CSMD1: variants seen among roughly 807,000 people sequenced by gnomAD.
The protein encoded by CSMD1 is CUB and sushi domain-containing protein 1.
In CSMD1, 213 loss-of-function variants were observed where a neutral mutation model predicts 417.5. The ratio of observed to expected loss-of-function variants is 0.51; its 90% CI spans 0.46 to 0.57. CSMD1 has a LOEUF of 0.57. CSMD1 is among the 20% of genes least tolerant of loss of function. The pLI is 0.00. For missense variants in CSMD1, 6,923 were observed against 4,529.7 expected, an observed-to-expected ratio of 1.53 and a Z score of -15.17; for synonymous variants, 2,862 against 1,736.8, an observed-to-expected ratio of 1.65 and a Z score of -16.11.
intron 2 of CSMD1, among the ~76,000 whole-genome samples, chr8:4,426,519 CTGT>C (rs1170338210): frequency 6.8e-6 from 1 of 146,484 alleles, no homozygotes; most frequent in Non-Finnish European, 1.5e-5. Context: ...TTTATAAAGA[CTGT>C]AGTATTTTAT....
intron 5 of CSMD1, among the ~76,000 whole-genome samples, chr8:3,881,620 A>AC (rs1806210624): frequency 1.4e-5 from 2 of 138,860 alleles, no homozygotes; most frequent in African/African-American, 3.0e-5. Flanking sequence ...AAAAAAAAAA[A>AC]AACAAAAACA....
At chr8:3,940,397 T>C (rs1434454502) in intron 5 of CSMD1, among the ~76,000 whole-genome samples, 2 of 151,886 alleles carry the variant, frequency 1.3e-5, no homozygotes, top group African/African-American at 2.4e-5. Context: ...ATATTGAAAA[T>C]AATGACAAAA....
chr8:4,020,838 T>C (rs1388735172), intron 4 of CSMD1, among the ~76,000 whole-genome samples: 1 of 152,250 alleles, frequency 6.6e-6, no homozygotes, highest in African/African-American at 2.4e-5. Context: ...AGCTCACTCT[T>C]ATCTTTTGCC....
intron 23 of CSMD1, among the ~76,000 whole-genome samples, chr8:3,308,736 T>TTC (rs1805091965): frequency 1.6e-5 from 1 of 61,798 alleles, no homozygotes; most frequent in Admixed American, 1.8e-4. Flanking sequence ...TTACAAGTTT[T>TTC]TTTTTTTTTT....
At chr8:3,394,844 T>C (rs181154483) in intron 17 of CSMD1, among the ~76,000 whole-genome samples, 2 of 152,318 alleles carry the variant, frequency 1.3e-5, no homozygotes, top group East Asian at 1.9e-4. Context: ...TGTATATCTA[T>C]ATATGTGAAG....
At chr8:3,748,846 A>G (rs1358336995) in intron 6 of CSMD1, among the ~76,000 whole-genome samples, 1 of 152,202 alleles carries the variant, frequency 6.6e-6, no homozygotes, top group Non-Finnish European at 1.5e-5. Flanking sequence ...AAACAAACTA[A>G]TTATTTGTGT....
At chr8:3,857,811 T>A (rs1325707153) in intron 5 of CSMD1, among the ~76,000 whole-genome samples, 3 of 152,070 alleles carry the variant, frequency 2.0e-5, no homozygotes, top group Non-Finnish European at 4.4e-5. Context: ...CAGGCCAGAG[T>A]AGAAAAGAGC....
chr8:4,296,064 T>G (rs1797664936), intron 3 of CSMD1, among the ~76,000 whole-genome samples: 1 of 152,080 alleles, frequency 6.6e-6, no homozygotes, highest in African/African-American at 2.4e-5. Context: ...GAAGGAGCCC[T>G]TAAAATGATG....
intron 5 of CSMD1, among the ~76,000 whole-genome samples, chr8:3,863,713 G>C (rs143988567): frequency 1.3e-4 from 19 of 151,998 alleles, no homozygotes; most frequent in African/African-American, 4.1e-4. Flanking sequence ...AACATACATG[G>C]TCTCTAATTC....
At chr8:3,075,770 G>A (rs965135284) in intron 49 of CSMD1, among the ~76,000 whole-genome samples, 13 of 151,902 alleles carry the variant, frequency 8.6e-5, no homozygotes, top group African/African-American at 1.2e-4. Flanking sequence ...GGCTGGGCGC[G>A]GTGGCTCATG....
At chr8:3,212,119 A>T (rs1286395306) in intron 30 of CSMD1, among the ~76,000 whole-genome samples, 1 of 152,046 alleles carries the variant, frequency 6.6e-6, no homozygotes, top group Non-Finnish European at 1.5e-5. Flanking sequence ...CTTTACCTCA[A>T]AGCCACTCTG....
chr8:4,307,275 A>G (rs1319989064), intron 3 of CSMD1, among the ~76,000 whole-genome samples: 1 of 152,092 alleles, frequency 6.6e-6, no homozygotes, highest in African/African-American at 2.4e-5. Flanking sequence ...GGCTGTTGAT[A>G]TCTCTCACAT....
At chr8:3,825,683 G>C (rs1802018207) in intron 5 of CSMD1, among the ~76,000 whole-genome samples, 1 of 152,220 alleles carries the variant, frequency 6.6e-6, no homozygotes, top group East Asian at 1.9e-4. Context: ...CTAGGCTCAA[G>C]AGCTCCCTCA....
At position 4,264,579 on chromosome 8, in the gene CSMD1, G is replaced by A. The variant is rs543118761; in HGVS notation, c.415+155374C>T. ...GGTTAGCAAGCATTTTATTATGGAA[G>A]ACTGGTTCCTCGGCGTTCTAGGGTA... On this transcript the variant is annotated intron_variant, in intron 3 of 69. Transcript: ENST00000635120. Among the ~76,000 whole-genome samples, 63 of 152,236 alleles carry A rather than the reference G, an allele frequency of 4.1e-4. No homozygotes were observed. In the South Asian group the frequency reaches 0.013, roughly 31 times the overall value.
intron 1 of CSMD1, among the ~76,000 whole-genome samples, chr8:4,654,324 G>C (rs981214227): frequency 2.0e-5 from 3 of 152,100 alleles, no homozygotes; most frequent in Admixed American, 2.0e-4. Context: ...GGGATGTATT[G>C]CTTTCTATGC....
At chr8:4,764,944 T>C (rs1266158349) in intron 1 of CSMD1, among the ~76,000 whole-genome samples, 1 of 148,814 alleles carries the variant, frequency 6.7e-6, no homozygotes, top group Non-Finnish European at 1.5e-5. Flanking sequence ...TTGAAGGTAA[T>C]TTCCATGTTG....
intron 38 of CSMD1, among the ~76,000 whole-genome samples, chr8:3,161,239 G>C (rs1819873646): frequency 1.3e-5 from 2 of 152,010 alleles, no homozygotes; most frequent in African/African-American, 2.4e-5. Flanking sequence ...GGTTAAACTA[G>C]AAAATATTAA....
intron 3 of CSMD1, among the ~76,000 whole-genome samples, chr8:4,407,958 A>C (rs79267177): frequency 0.063 from 9,563 of 152,212 alleles, 379 homozygotes; most frequent in South Asian, 0.12. Flanking sequence ...CCCATTTGTT[A>C]TCCTCCTACA....
chr8:4,378,185 A>C (rs1004313015), intron 3 of CSMD1, among the ~76,000 whole-genome samples: 3 of 152,208 alleles, frequency 2.0e-5, no homozygotes, highest in South Asian at 2.1e-4. Flanking sequence ...TTGCGACTCT[A>C]ATCGGCGTCC....
Sources: allele counts gnomAD v4.1 joint callset (sites outside exome capture counted in the v4.1 genomes callset), GRCh38; gene constraint gnomAD v4.1.1; transcripts MANE v1.5; gene names NCBI Gene and HGNC (gene_info 2026-07-23, HGNC 2026-07-21).